MAGEB1: variants seen among roughly 807,000 people sequenced by gnomAD.
MAGEB1 encodes the protein melanoma-associated antigen B1.
For synonymous variants in MAGEB1, 99 were observed against 105.7 expected (o/e 0.94, Z 0.39); for missense variants, 290 against 286.7 (o/e 1.01, Z -0.08).
upstream of MAGEB1, among the ~76,000 whole-genome samples, chrX:30,245,811 C>T (rs1191440617): frequency 8.9e-6 from 1 of 112,442 alleles, no homozygotes; most frequent in African/African-American, 3.2e-5. Context: ...CAAAAATCAT[C>T]TGGCTCCACC....
At chrX:30,247,751 T>C (rs1925370902) in intron 1 of MAGEB1, among the ~76,000 whole-genome samples, 1 of 110,650 alleles carries the variant, frequency 9.0e-6, no homozygotes, top group Non-Finnish European at 1.9e-5. Flanking sequence ...AAGACCATCC[T>C]GGCTAACACG....
chrX:30,249,650 AC>A (rs1925438158), intron 1 of MAGEB1, among the ~76,000 whole-genome samples: 1 of 111,386 alleles, frequency 9.0e-6, no homozygotes, highest in Non-Finnish European at 1.9e-5. Context: ...GGGCATTGTG[AC>A]CAGATACAGC....
At position 30,251,832 on chromosome X, in the gene MAGEB1, G is replaced by A. The variant is rs1925543934; in HGVS notation, c.*295G>A. ...CTTTTTTGGGTTGAAGAAGAAGAAAGCATAGCTTTAGAATAGAGATTTTCT... is the reference window on the plus strand; with the variant it reads ...CTTTTTTGGGTTGAAGAAGAAGAAAACATAGCTTTAGAATAGAGATTTTCT... On this transcript the variant is annotated 3_prime_UTR_variant, in exon 2 of 2. Transcript: ENST00000397548. 1 of 252,429 alleles carries A rather than the reference G, an allele frequency of 4.0e-6. No homozygotes were observed. The highest frequency in any genetic ancestry group is 1.8e-4 in the South Asian group (1 of 5,640). 20.8% of individuals were successfully genotyped at this position (252,429 alleles called of 1,213,427 possible).
At chrX:30,248,925 G>C (rs1464207023) in intron 1 of MAGEB1, among the ~76,000 whole-genome samples, 1 of 111,453 alleles carries the variant, frequency 9.0e-6, no homozygotes, top group Admixed American at 9.5e-5. Flanking sequence ...AGTTGTCGGG[G>C]GGTGCTTTGT....
At chrX:30,245,094 G>A (rs986108545), upstream of MAGEB1, among the ~76,000 whole-genome samples, 28 of 111,293 alleles carry the variant, frequency 2.5e-4, no homozygotes, top group African/African-American at 9.2e-4. Flanking sequence ...TGGATGAAAG[G>A]TCAGAGTTGG....
upstream of MAGEB1, among the ~76,000 whole-genome samples, chrX:30,245,553 C>T (rs1324444870): frequency 9.0e-6 from 1 of 111,699 alleles, no homozygotes. Flanking sequence ...CACACTGTTC[C>T]ACTCCTCCCA....
upstream of MAGEB1, among the ~76,000 whole-genome samples, chrX:30,246,736 C>T (rs1925316582): frequency 8.9e-6 from 1 of 112,273 alleles, no homozygotes; most frequent in African/African-American, 3.2e-5. Context: ...CTCTCATTTC[C>T]GCCTGGAAGG....
upstream of MAGEB1, among the ~76,000 whole-genome samples, chrX:30,244,553 A>G (rs1925247890): frequency 8.9e-6 from 1 of 112,130 alleles, no homozygotes; most frequent in African/African-American, 3.2e-5. Flanking sequence ...AGGTGGGGGT[A>G]TTACCAGCAG....
At chrX:30,248,261 A>G (rs2529566) in intron 1 of MAGEB1, among the ~76,000 whole-genome samples, 45,078 of 110,673 alleles carry the variant, frequency 0.41, 6,769 homozygotes, top group East Asian at 0.54. Flanking sequence ...CTGCCTTCAT[A>G]GTCTTAGAGA....
At chrX:30,247,946 GA>G (rs57368527) in intron 1 of MAGEB1, among the ~76,000 whole-genome samples, 5,536 of 45,636 alleles carry the variant, frequency 0.12, 246 homozygotes, top group Admixed American at 0.22. Context: ...TCAGTCTCAA[GA>G]AAAAAAAAAA....
Position 30,251,910 on chromosome X carries a change from G to A in MAGEB1, c.*373G>A, listed in dbSNP as rs1258392912. 2.6e-5 allele frequency: 4 copies of A among 152,904 alleles called. No homozygotes were observed. The allele number at this position is 152,904 out of a possible 1,213,427, so 12.6% of individuals were successfully genotyped here. On this transcript the variant is annotated 3_prime_UTR_variant, in exon 2 of 2. Transcript: ENST00000397548. ...ACATAATTGGAGTCTTAAAATAGAG[G>A]AAGAGTAAGCAAAGCATGTCAAGTT...
chrX:30,248,045 A>G (rs1410284708), intron 1 of MAGEB1, among the ~76,000 whole-genome samples: 1 of 109,436 alleles, frequency 9.1e-6, no homozygotes, highest in Non-Finnish European at 1.9e-5. Flanking sequence ...CTGTGAACTT[A>G]GGTCCAAGGA....
chrX:30,244,338 A>G (rs1018397907), upstream of MAGEB1: 3 of 118,829 alleles, frequency 2.5e-5, no homozygotes, highest in Non-Finnish European at 5.6e-5. Flanking sequence ...TTACACTTCA[A>G]TTGTCCAAAT....
upstream of MAGEB1, chrX:30,246,325 G>C (rs1465832690): frequency 8.9e-6 from 1 of 112,336 alleles, no homozygotes; most frequent in Non-Finnish European, 1.9e-5. Context: ...AGATCATCCA[G>C]GAGTACAACT....
chrX:30,249,277 G>A lies in MAGEB1; in HGVS notation c.-60-1157G>A, dbSNP rs145800813. ...CTTTCTTTCATCTTGGGACTATGAGGCAATGAGAATCTTAATCTGATGTAA... is the reference window on the plus strand; with the variant it reads ...CTTTCTTTCATCTTGGGACTATGAGACAATGAGAATCTTAATCTGATGTAA... On this transcript the variant is annotated intron_variant, in intron 1 of 1. Transcript: ENST00000397548. Among the ~76,000 whole-genome samples the A allele has an allele frequency of 6.2e-3, 693 of 111,177 alleles. 6 individuals are homozygous for A. The highest frequency in any genetic ancestry group is 0.021 in the African/African-American group (635 of 30,546).
intron 1 of MAGEB1, among the ~76,000 whole-genome samples, chrX:30,247,946 GAAAAAAAAAAA>G (rs57368527): frequency 2.2e-5 from 1 of 45,935 alleles, no homozygotes. Flanking sequence ...TCAGTCTCAA[GAAAAAAAAAAA>G]AAAAAAAAAA....
intron 1 of MAGEB1, among the ~76,000 whole-genome samples, chrX:30,249,509 G>A (rs1925433409): frequency 9.0e-6 from 1 of 111,361 alleles, no homozygotes; most frequent in African/African-American, 3.3e-5. Flanking sequence ...AGATGGGTTA[G>A]CAGGAGGGGT....
At chrX:30,248,824 A>G (rs1925411948) in intron 1 of MAGEB1, among the ~76,000 whole-genome samples, 1 of 112,139 alleles carries the variant, frequency 8.9e-6, no homozygotes, top group Non-Finnish European at 1.9e-5. Context: ...CATAACAGTG[A>G]AAGAAACACG....
In MAGEB1 at chrX:30,250,482, A is replaced by T. The variant is rs1474647193; in HGVS notation, c.-12A>T. The T allele has an allele frequency of 9.4e-6, 11 of 1,167,908 alleles. No homozygotes were observed. In the Middle Eastern group the frequency reaches 1.0e-3, roughly 106 times the overall value. On this transcript the variant is annotated 5_prime_UTR_variant, in exon 2 of 2. Transcript: ENST00000397548. Reference sequence around the variant, plus strand: ...CTCACTTTCCTGCCTGTTTTGCCTGACCACAGCCATCATGCCTCGGGGTCA... The same window carrying T: ...CTCACTTTCCTGCCTGTTTTGCCTGTCCACAGCCATCATGCCTCGGGGTCA...
Sources: gnomAD v4.1 joint callset for allele counts (sites outside exome capture counted in the v4.1 genomes callset) on GRCh38, gnomAD v4.1.1 for gene constraint, MANE v1.5 for transcripts, NCBI Gene and HGNC (gene_info 2026-07-23, HGNC 2026-07-21) for gene names.